The following CADPS2 variants were observed in gnomAD, a reference collection of about 807,000 sequenced individuals.
CADPS2 encodes calcium dependent secretion activator 2.
CADPS2 carries 93 observed loss-of-function variants against 172.5 expected under a neutral mutation model. The observed-to-expected ratio is 0.54, with a 90% confidence interval of 0.46 to 0.64. CADPS2 has a LOEUF of 0.64. CADPS2 is among the 30% of genes least tolerant of loss of function. CADPS2 has a pLI of 0.00. For missense variants in CADPS2, 1,420 were observed against 1,565.9 expected (o/e 0.91, Z 1.57); for synonymous variants, 546 against 555.2 (o/e 0.98, Z 0.23).
At chr7:122,434,054 C>A (rs377489463) in intron 17 of CADPS2, among the ~76,000 whole-genome samples, 2 of 152,158 alleles carry the variant, frequency 1.3e-5, no homozygotes, top group Non-Finnish European at 2.9e-5. Flanking sequence ...CACGAACAAC[C>A]CTGAACTTCT....
intron 17 of CADPS2, among the ~76,000 whole-genome samples, chr7:122,436,994 G>A (rs1285507378): frequency 1.3e-5 from 2 of 151,994 alleles, no homozygotes; most frequent in African/African-American, 4.8e-5. Flanking sequence ...AAACAATATG[G>A]TGTTTATTCA....
At chr7:122,561,115 C>T (rs1245643448) in intron 7 of CADPS2, among the ~76,000 whole-genome samples, 1 of 152,270 alleles carries the variant, frequency 6.6e-6, no homozygotes, top group Non-Finnish European at 1.5e-5. Flanking sequence ...AGAACACCTG[C>T]TCACTCTTAC....
chr7:122,404,005 ATTATAC>A (rs1056986756), intron 20 of CADPS2, among the ~76,000 whole-genome samples: 1 of 151,956 alleles, frequency 6.6e-6, no homozygotes, highest in Non-Finnish European at 1.5e-5. Context: ...TGTTTTTTTT[ATTATAC>A]TTAAAGTTTT....
rs886950602 is a variant in CADPS2 at position 122,477,634 on chromosome 7, T to C, written c.1862-3117A>G. Among the ~76,000 whole-genome samples, 4 of 151,014 alleles carry C rather than the reference T, an allele frequency of 2.6e-5. No homozygotes were observed. In the South Asian group the frequency reaches 8.3e-4, roughly 31 times the overall value. ...TCAAAGCTAGGAGGAGAGAAACAGA[T>C]GTAATACGGCTGAAATGCTTTTTTA... On this transcript the variant is annotated intron_variant, in intron 12 of 29. Coordinates refer to ENST00000449022, the MANE Select transcript of CADPS2 (RefSeq NM_017954.11).
chr7:122,502,812 G>C (rs2059313831), intron 9 of CADPS2, among the ~76,000 whole-genome samples: 2 of 151,850 alleles, frequency 1.3e-5, no homozygotes, highest in Admixed American at 6.6e-5. Flanking sequence ...TCAAATGTCA[G>C]GAATTCTCCT....
intron 7 of CADPS2, among the ~76,000 whole-genome samples, chr7:122,555,225 T>C (rs764527038): frequency 1.6e-4 from 24 of 152,102 alleles, no homozygotes; most frequent in Non-Finnish European, 5.9e-5. Context: ...GACTTTTTCC[T>C]GACATGTTTT....
chr7:122,780,492 C>T (rs1053902699), intron 1 of CADPS2, among the ~76,000 whole-genome samples: 1 of 152,074 alleles, frequency 6.6e-6, no homozygotes, highest in Non-Finnish European at 1.5e-5. Context: ...ATTAATACCT[C>T]CAGGAACCAC....
At chr7:122,351,657 T>C (rs1314859874) in intron 27 of CADPS2, among the ~76,000 whole-genome samples, 2 of 152,062 alleles carry the variant, frequency 1.3e-5, no homozygotes, top group African/African-American at 4.8e-5. Flanking sequence ...GTTCCATTAC[T>C]GCAGAGTTCT....
At chr7:122,591,819 C>T (rs1260326548) in intron 6 of CADPS2, among the ~76,000 whole-genome samples, 5 of 152,136 alleles carry the variant, frequency 3.3e-5, no homozygotes, top group Admixed American at 6.5e-5. Context: ...TTCCTTACAC[C>T]TTATACAAAA....
rs527681424 is a variant in CADPS2, at chr7:122,552,051, C to G, written c.1475+2499G>C. ...GTTTAAAACTGTTACCACATGGGTACTGAGAAAACAGAACAGATGCTTAGG... is the reference window on the plus strand; with the variant it reads ...GTTTAAAACTGTTACCACATGGGTAGTGAGAAAACAGAACAGATGCTTAGG... On this transcript the variant is annotated intron_variant, in intron 8 of 29. Transcript: ENST00000449022. Among the ~76,000 whole-genome samples the G allele has an allele frequency of 2.0e-5, 3 of 152,250 alleles. No homozygotes were observed. The South Asian group carries it at 6.2e-4, about 32-fold the overall frequency.
chr7:122,344,946 C>A (rs2037337907), intron 28 of CADPS2, among the ~76,000 whole-genome samples: 1 of 152,016 alleles, frequency 6.6e-6, no homozygotes, highest in Non-Finnish European at 1.5e-5. Context: ...GGAATAACTT[C>A]AAGGAGAAAA....
chr7:122,459,867 G>C (rs2054242995), intron 14 of CADPS2, among the ~76,000 whole-genome samples: 1 of 152,028 alleles, frequency 6.6e-6, no homozygotes, highest in Admixed American at 6.6e-5. Context: ...GTTTATAGTG[G>C]GAAAATGCAT....
At chr7:122,596,546 C>A (rs867014548) in intron 6 of CADPS2, among the ~76,000 whole-genome samples, 1 of 152,056 alleles carries the variant, frequency 6.6e-6, no homozygotes. Flanking sequence ...GAAATGTAAA[C>A]AAATACTATA....
chr7:122,885,976 A>AGGC (rs746331662), intron 1 of CADPS2, 23 bp downstream of exon 1: 10 of 1,590,318 alleles, frequency 6.3e-6, no homozygotes, highest in Non-Finnish European at 8.6e-6. Flanking sequence ...TGGTGGTAGG[A>AGGC]GGCGCCCGGT....
chr7:122,803,879 G>C (rs963860413), intron 1 of CADPS2, among the ~76,000 whole-genome samples: 11 of 151,028 alleles, frequency 7.3e-5, no homozygotes, highest in South Asian at 6.3e-4. Flanking sequence ...ATTTCTCTAG[G>C]GGATGGGTTA....
chr7:122,535,687 T>G (rs2062193129), intron 8 of CADPS2, among the ~76,000 whole-genome samples: 1 of 152,060 alleles, frequency 6.6e-6, no homozygotes, highest in Admixed American at 6.6e-5. Flanking sequence ...AAATATATAT[T>G]TGGATTTTTG....
At chr7:122,534,526 C>T (rs1196730780) in intron 8 of CADPS2, among the ~76,000 whole-genome samples, 1 of 152,018 alleles carries the variant, frequency 6.6e-6, no homozygotes, top group Non-Finnish European at 1.5e-5. Flanking sequence ...GCCAAACTTA[C>T]AAACTGATAC....
intron 20 of CADPS2, among the ~76,000 whole-genome samples, chr7:122,400,648 A>G (rs1286554250): frequency 6.6e-6 from 1 of 152,192 alleles, no homozygotes; most frequent in Middle Eastern, 3.2e-3. Context: ...ACATTCTCAC[A>G]TTTTGGCCCT....
chr7:122,831,500 G>C (rs1806543764), intron 1 of CADPS2, among the ~76,000 whole-genome samples: 2 of 152,194 alleles, frequency 1.3e-5, no homozygotes, highest in Admixed American at 1.3e-4. Flanking sequence ...TAAAGTAAAA[G>C]GACCTGAATT....
Sources: allele counts gnomAD v4.1 joint callset (sites outside exome capture counted in the v4.1 genomes callset), GRCh38; gene constraint gnomAD v4.1.1; transcripts MANE v1.5; gene names NCBI Gene and HGNC (gene_info 2026-07-23, HGNC 2026-07-21).